Variants in DIP2C observed in about 807,000 individuals in gnomAD.
DIP2C encodes the protein disco-interacting protein 2 homolog C.
In DIP2C, 33 loss-of-function variants were observed where a neutral mutation model predicts 192.4. The observed-to-expected ratio is 0.17, with a 90% CI of 0.13 to 0.23. DIP2C has a LOEUF of 0.23. Ranked by LOEUF, DIP2C falls within the 10% of genes least tolerant of loss-of-function variation. The probability of loss-of-function intolerance (pLI) is 1.00; values close to 1 mark genes in which losing one functional copy is unlikely to be tolerated. For synonymous variants in DIP2C, 979 were observed against 864.1 expected (o/e 1.13, Z -2.33); for missense variants, 1,537 against 2,110.1 (o/e 0.73, Z 5.32).
Position 419,168 on chromosome 10 carries a change from C to G in DIP2C, c.636G>C (p.Thr212=). The G allele has an allele frequency of 6.2e-7, 1 of 1,614,226 alleles. No homozygotes were observed. The highest frequency in any genetic ancestry group is 8.5e-7 in the Non-Finnish European group (1 of 1,180,042). The change falls in exon 6 of 37, where the codon ACG becomes ACC. Residue 212 remains threonine, a synonymous_variant. Coordinates refer to ENST00000280886, the MANE Select transcript of DIP2C (RefSeq NM_014974.3). ...ENHSAPPDVT[T]YTSEHSIQVE... ...CCTGTATCGAGTGCTCTGAGGTGTACGTGGTTACGTCAGGAGGTGCAGAAT... is the reference window on the plus strand; with the variant it reads ...CCTGTATCGAGTGCTCTGAGGTGTAGGTGGTTACGTCAGGAGGTGCAGAAT...
At position 327,058 on chromosome 10, in the gene DIP2C, C is replaced by T. The variant is rs778650086; in HGVS notation, c.3872G>A (p.Arg1291Gln). 1 of 1,614,148 alleles carries T rather than the reference C, an allele frequency of 6.2e-7. No homozygotes were observed. The highest frequency in any genetic ancestry group is 8.5e-7 in the Non-Finnish European group (1 of 1,180,022). Residue 1291 changes from arginine (R) to glutamine (Q), a missense_variant, in exon 31 of 37, where the codon CGG becomes CAG. This residue lies in a region of DIP2C where 341 missense variants were observed against 551.7 expected (regional missense o/e 0.62). Transcript: ENST00000280886. ...GCAACCGAACGAGGTGCTGACGGCC[C>T]GCGGGTGAAGGCCCAGGTCCTTAAA... ...KLFKDLGLHP[R>Q]AVSTSFGCRV... is the part of the protein sequence containing the mutation.
intron 17 of DIP2C, among the ~76,000 whole-genome samples, chr10:370,391 G>A (rs766857250): frequency 6.6e-6 from 1 of 152,176 alleles, no homozygotes. Flanking sequence ...TACCCAGGAC[G>A]TTCCTCCGGC....
At chr10:315,419 C>T (rs1030664073) in intron 31 of DIP2C, among the ~76,000 whole-genome samples, 2 of 152,164 alleles carry the variant, frequency 1.3e-5, no homozygotes, top group Non-Finnish European at 2.9e-5. Flanking sequence ...ATTTGCTGAA[C>T]GATTCTCTAG....
intron 31 of DIP2C, among the ~76,000 whole-genome samples, chr10:316,360 G>A (rs560846599): frequency 6.6e-6 from 1 of 152,320 alleles, no homozygotes; most frequent in South Asian, 2.1e-4. Flanking sequence ...GACACTGGAT[G>A]TCTTCTATGC....
chr10:575,573 T>G (rs927148625), intron 1 of DIP2C, among the ~76,000 whole-genome samples: 1 of 152,224 alleles, frequency 6.6e-6, no homozygotes, highest in Non-Finnish European at 1.5e-5. Context: ...TGGGCACGTG[T>G]GATCCTTGCA....
chr10:415,522 G>C (rs1965570020), intron 7 of DIP2C, among the ~76,000 whole-genome samples: 1 of 152,084 alleles, frequency 6.6e-6, no homozygotes, highest in Admixed American at 6.5e-5. Flanking sequence ...AGTTCTTAGA[G>C]AGAGACCTGA....
intron 9 of DIP2C, among the ~76,000 whole-genome samples, chr10:404,803 AAATT>A (rs1409466358): frequency 1.3e-5 from 2 of 152,240 alleles, no homozygotes; most frequent in Non-Finnish European, 2.9e-5. Context: ...AAAGGGAATA[AAATT>A]ATTTGTACAT....
intron 10 of DIP2C, among the ~76,000 whole-genome samples, chr10:396,828 G>T (rs777116638): frequency 8.3e-5 from 5 of 60,312 alleles, no homozygotes; most frequent in African/African-American, 1.2e-4. Flanking sequence ...AAATCCGGTG[G>T]GGGGGGGGGA....
chr10:548,305 C>G (rs1172342411), intron 1 of DIP2C, among the ~76,000 whole-genome samples: 1 of 148,586 alleles, frequency 6.7e-6, no homozygotes, highest in Non-Finnish European at 1.5e-5. Context: ...CGCCCAGAGA[C>G]CTACGGCTGG....
At chr10:477,165 G>T (rs531277583) in intron 2 of DIP2C, among the ~76,000 whole-genome samples, 1 of 146,380 alleles carries the variant, frequency 6.8e-6, no homozygotes, top group Non-Finnish European at 1.5e-5. Flanking sequence ...AAAGGTCAAA[G>T]AAACAGGCTT....
chr10:612,926 A>C (rs1445812452), intron 1 of DIP2C, among the ~76,000 whole-genome samples: 3 of 152,192 alleles, frequency 2.0e-5, no homozygotes, highest in African/African-American at 4.8e-5. Context: ...AAATGCATGT[A>C]AAATTTTAAG....
At chr10:535,742 TC>T (rs1344332996) in intron 1 of DIP2C, among the ~76,000 whole-genome samples, 2 of 152,120 alleles carry the variant, frequency 1.3e-5, no homozygotes, top group Admixed American at 6.5e-5. Flanking sequence ...TGCACTCAAA[TC>T]TTTTATGTCA....
chr10:523,717 G>T (rs544301681), intron 1 of DIP2C, among the ~76,000 whole-genome samples: 1 of 149,818 alleles, frequency 6.7e-6, no homozygotes, highest in East Asian at 2.0e-4. Flanking sequence ...GTTTCTACTG[G>T]ATGCAAAGGA....
At chr10:375,208 G>C (rs186659704) in intron 17 of DIP2C, among the ~76,000 whole-genome samples, 1 of 152,360 alleles carries the variant, frequency 6.6e-6, no homozygotes, top group Admixed American at 6.5e-5. Context: ...AGTAACACGA[G>C]AGTTCTCACT....
At chr10:437,927 C>A (rs1451657552) in intron 4 of DIP2C, 1 of 152,152 alleles carries the variant, frequency 6.6e-6, no homozygotes, top group African/African-American at 2.4e-5. Flanking sequence ...TAAGAAAATG[C>A]AGCTAAGATT....
intron 6 of DIP2C, among the ~76,000 whole-genome samples, chr10:417,660 T>TCGGACAGGCCTCCCTGTCCACCTACA (rs1965760943): frequency 8.2e-5 from 1 of 12,126 alleles, no homozygotes. Flanking sequence ...GTCCACCTGT[T>TCGGACAGGCCTCCCTGTCCACCTACA]CCTGTCAGGG....
chr10:458,332 G>A (rs534474423), intron 3 of DIP2C, among the ~76,000 whole-genome samples: 3 of 152,224 alleles, frequency 2.0e-5, no homozygotes, highest in African/African-American at 7.2e-5. Flanking sequence ...ATCAAAATCA[G>A]TAAATCCAGA....
chr10:655,389 C>A (rs1856216784), intron 1 of DIP2C, among the ~76,000 whole-genome samples: 1 of 152,206 alleles, frequency 6.6e-6, no homozygotes, highest in Non-Finnish European at 1.5e-5. Context: ...AGAACACTGT[C>A]CTCTCTGTTC....
chr10:334,976 T>C (rs1361091216), intron 29 of DIP2C, among the ~76,000 whole-genome samples: 1 of 152,164 alleles, frequency 6.6e-6, no homozygotes, highest in Non-Finnish European at 1.5e-5. Flanking sequence ...CCCCAAAAAA[T>C]AGCCTGCCAA....
Sources: gnomAD v4.1 joint callset for allele counts (sites outside exome capture counted in the v4.1 genomes callset) on GRCh38, gnomAD v4.1.1 for gene constraint, gnomAD v4.1.1 regional missense constraint, MANE v1.5 for transcripts, NCBI Gene and HGNC (gene_info 2026-07-23, HGNC 2026-07-21) for gene names.